The following MVB12B variants were observed in gnomAD, a reference collection of about 807,000 sequenced individuals.
MVB12B encodes the protein ESCRT-I complex subunit MVB12B.
In MVB12B, 16 loss-of-function variants were observed where a neutral mutation model predicts 41.6. The observed-to-expected ratio is 0.38, with a 90% CI of 0.26 to 0.58. MVB12B has a LOEUF of 0.58. Among genes scored for constraint, MVB12B ranks in the 20% least tolerant of loss-of-function variants. The pLI, the probability that MVB12B is intolerant of heterozygous loss-of-function variation, is 0.62. For synonymous variants in MVB12B, 133 were observed against 139.7 expected (o/e 0.95, Z 0.34); for missense variants, 274 against 380.2 (o/e 0.72, Z 2.32).
At chr9:126,457,970 CT>C (rs1043250074) in intron 7 of MVB12B, among the ~76,000 whole-genome samples, 6 of 152,142 alleles carry the variant, frequency 3.9e-5, no homozygotes, top group African/African-American at 1.4e-4. Flanking sequence ...GATTTGGGGA[CT>C]TTTTCACAAT....
At chr9:126,377,726 C>T (rs1194972129) in intron 2 of MVB12B, among the ~76,000 whole-genome samples, 6 of 151,988 alleles carry the variant, frequency 3.9e-5, no homozygotes, top group African/African-American at 7.2e-5. Flanking sequence ...GGGATAGCAG[C>T]GGGAGGGCAG....
rs377146298 is a variant in MVB12B at position 126,480,595 on chromosome 9, C to T, written c.758-774C>T. The stretch of plus-strand genomic sequence containing the variant: ...CCTGGTTTCTCCATCGTTGCGTCCC[C>T]GTTCCATGCCCTTTTTCTCGTGTCC... On this transcript the variant is annotated intron_variant, in intron 7 of 9. Transcript: ENST00000361171. The surrounding 1 kb of genome is among the most constrained non-coding windows in gnomAD (Gnocchi z 4.9). Among the ~76,000 whole-genome samples the T allele has an allele frequency of 7.9e-5, 12 of 152,162 alleles. No individual in the cohort carries two copies. Among genetic ancestry groups the T allele is most frequent in the African/African-American group, 2.7e-4 (11 of 41,448 alleles).
At chr9:126,417,612 C>A (rs1831866323) in intron 6 of MVB12B, among the ~76,000 whole-genome samples, 1 of 152,216 alleles carries the variant, frequency 6.6e-6, no homozygotes, top group African/African-American at 2.4e-5. Flanking sequence ...AACTACAACA[C>A]TTGATTTGGT....
In MVB12B at chr9:126,415,183, C is replaced by T. The variant is rs1055775908; in HGVS notation, c.663-6671C>T. Among the ~76,000 whole-genome samples, 7 of 152,288 alleles carry T rather than the reference C, an allele frequency of 4.6e-5. No individual in the cohort carries two copies. In the East Asian group the frequency reaches 7.7e-4, roughly 17 times the overall value. ...CCTCCTCCAGGTACAGGGTCGTGAT[C>T]GGGGCCTTCCTTCAGTCTCTCCTTA... is the stretch of plus-strand genomic sequence containing the variant. On this transcript the variant is annotated intron_variant, in intron 6 of 9. Transcript: ENST00000361171.
chr9:126,494,060 T>C (rs78829857), intron 9 of MVB12B, among the ~76,000 whole-genome samples: 59 of 152,324 alleles, frequency 3.9e-4, no homozygotes, highest in African/African-American at 1.1e-3. Context: ...TATTAACCCA[T>C]AGTGCTGCGT....
chr9:126,477,553 A>T (rs900977919), intron 7 of MVB12B, among the ~76,000 whole-genome samples: 3 of 152,192 alleles, frequency 2.0e-5, no homozygotes, highest in African/African-American at 7.2e-5. Context: ...GAGCAAAGGC[A>T]TGCCTTACAT....
chr9:126,424,964 C>T (rs533575305), intron 7 of MVB12B, among the ~76,000 whole-genome samples: 34 of 152,276 alleles, frequency 2.2e-4, no homozygotes, highest in African/African-American at 6.5e-4. Context: ...CAAACAAAGA[C>T]GAATGCTTAA....
At chr9:126,490,572 G>A (rs1027831261) in intron 9 of MVB12B, among the ~76,000 whole-genome samples, 3 of 152,190 alleles carry the variant, frequency 2.0e-5, no homozygotes, top group Non-Finnish European at 4.4e-5. Flanking sequence ...GCACACATTA[G>A]CCTGCCGCAC....
At chr9:126,500,706 A>C (rs374335217) in intron 9 of MVB12B, among the ~76,000 whole-genome samples, 9 of 152,220 alleles carry the variant, frequency 5.9e-5, no homozygotes, top group East Asian at 3.9e-4. Flanking sequence ...TCCACGCCGT[A>C]GGCCCTCAGC....
chr9:126,380,991 A>C, intron 2 of MVB12B, 73 bp from the exon 3 acceptor site: 1 of 1,131,470 alleles, frequency 8.8e-7, no homozygotes, highest in Non-Finnish European at 1.3e-6. Flanking sequence ...CAGGCGTGGA[A>C]GAAGTGGCCC....
At chr9:126,453,614 C>T (rs779777226) in intron 7 of MVB12B, among the ~76,000 whole-genome samples, 4 of 152,192 alleles carry the variant, frequency 2.6e-5, no homozygotes, top group African/African-American at 4.8e-5. Context: ...GAGGCTCTTG[C>T]GGTTTCTTTC....
intron 6 of MVB12B, among the ~76,000 whole-genome samples, chr9:126,411,500 G>T (rs1314698197): frequency 1.3e-5 from 2 of 152,226 alleles, no homozygotes; most frequent in Non-Finnish European, 1.5e-5. Flanking sequence ...GCATGGGCCT[G>T]TGTTCACTGG....
At chr9:126,483,114 G>T (rs1833561107) in intron 8 of MVB12B, among the ~76,000 whole-genome samples, 1 of 152,158 alleles carries the variant, frequency 6.6e-6, no homozygotes, top group African/African-American at 2.4e-5. Flanking sequence ...TCTGTCGAAG[G>T]CCCTCAGGTT....
In MVB12B at chr9:126,364,744, T is replaced by C. The variant is rs568093717; in HGVS notation, c.205-16320T>C. Among the ~76,000 whole-genome samples the C allele has an allele frequency of 2.0e-5, 3 of 152,278 alleles. No homozygotes were observed. The South Asian group carries it at 6.2e-4, about 32-fold the overall frequency. Reference sequence around the variant, plus strand: ...TAGAAAAACTCCTCCCTTCTTGTTCTTTTGTTTGTTTGTTTGTTTTGTTTT... The same window carrying C: ...TAGAAAAACTCCTCCCTTCTTGTTCCTTTGTTTGTTTGTTTGTTTTGTTTT... On this transcript the variant is annotated intron_variant, in intron 2 of 9. Coordinates refer to ENST00000361171, the MANE Select transcript of MVB12B (RefSeq NM_033446.3).
intron 9 of MVB12B, among the ~76,000 whole-genome samples, chr9:126,493,708 T>TA (rs1256029036): frequency 1.3e-5 from 2 of 152,248 alleles, no homozygotes; most frequent in Non-Finnish European, 2.9e-5. Context: ...CCTTTCTCTT[T>TA]AGGTCATTCC....
At chr9:126,489,338 A>C (rs978270536) in intron 9 of MVB12B, among the ~76,000 whole-genome samples, 2 of 152,214 alleles carry the variant, frequency 1.3e-5, no homozygotes, top group African/African-American at 4.8e-5. Context: ...TGCTCATCCC[A>C]GCCCAGCGTG....
At chr9:126,497,395 A>C (rs1302895121) in intron 9 of MVB12B, among the ~76,000 whole-genome samples, 1 of 151,990 alleles carries the variant, frequency 6.6e-6, no homozygotes, top group Non-Finnish European at 1.5e-5. Context: ...CCCTCTGCCC[A>C]CGCCCCGCAG....
rs1188574572 is a variant in MVB12B at position 126,392,287 on chromosome 9, GCCC to G, written c.539+96_539+98del. The G allele has an allele frequency of 8.2e-6, 12 of 1,459,540 alleles. No homozygotes were observed. Among genetic ancestry groups the G allele is most frequent in the Admixed American group, 7.3e-5 (4 of 54,496 alleles). 90.4% of individuals were successfully genotyped at this position (1,459,540 alleles called of 1,614,324 possible). A position where few individuals can be genotyped will look rare whatever the true frequency, so the allele number is the denominator to read the frequency against. The stretch of plus-strand genomic sequence containing the variant: ...ATGAGGTCCAAGAGATTTCCATGCA[GCCC>G]CCCAGGCTCTCAGCCATGGGCCTCT... On this transcript the variant is annotated intron_variant, in intron 5 of 9. Coordinates refer to ENST00000361171, the MANE Select transcript of MVB12B (RefSeq NM_033446.3). The surrounding 1 kb of genome is among the most constrained non-coding windows in gnomAD (Gnocchi z 4.8).
intron 7 of MVB12B, among the ~76,000 whole-genome samples, chr9:126,431,154 T>C (rs1379719853): frequency 1.3e-5 from 2 of 152,222 alleles, no homozygotes; most frequent in Admixed American, 6.5e-5. Flanking sequence ...TAAGATTACT[T>C]CTCAGAGTGC....
Sources: gnomAD v4.1 joint callset for allele counts (sites outside exome capture counted in the v4.1 genomes callset) on GRCh38, gnomAD v4.1.1 for gene constraint, Gnocchi (gnomAD v3.1) non-coding constraint, MANE v1.5 for transcripts, NCBI Gene and HGNC (gene_info 2026-07-23, HGNC 2026-07-21) for gene names.